The following ORC4 variants were observed in gnomAD, a reference collection of about 807,000 sequenced individuals.
ORC4 encodes the protein origin recognition complex, subunit 4 homolog.
In ORC4, 55 loss-of-function variants were observed where a neutral mutation model predicts 63.9. The ratio of observed to expected loss-of-function variants is 0.86; its 90% CI spans 0.69 to 1.08. The LOEUF is 1.08. Ranked by LOEUF, ORC4 falls within the 50% of genes least tolerant of loss-of-function variation. ORC4 has a pLI of 0.00. For synonymous variants in ORC4, 150 were observed against 168.5 expected (o/e 0.89, Z 0.85); for missense variants, 511 against 504.4 (o/e 1.01, Z -0.13).
At chr2:147,966,967 C>G (rs17225437) in intron 4 of ORC4, among the ~76,000 whole-genome samples, 35 of 151,906 alleles carry the variant, frequency 2.3e-4, no homozygotes, top group Non-Finnish European at 4.3e-4. Context: ...TATTAGTAAG[C>G]TGAATGCAAA....
chr2:147,971,784 TA>T (rs1453143609), intron 4 of ORC4, among the ~76,000 whole-genome samples: 1 of 151,898 alleles, frequency 6.6e-6, no homozygotes, highest in Non-Finnish European at 1.5e-5. Flanking sequence ...GATTTGAAAC[TA>T]AAAAATTACT....
intron 1 of ORC4, among the ~76,000 whole-genome samples, chr2:148,005,599 G>T (rs1054430151): frequency 5.5e-5 from 7 of 128,436 alleles, no homozygotes; most frequent in Non-Finnish European, 9.3e-5. Flanking sequence ...GATTGCTGAA[G>T]AGAATCCCCC....
chr2:148,013,453 A>G (rs1464408524), intron 1 of ORC4, among the ~76,000 whole-genome samples: 1 of 152,162 alleles, frequency 6.6e-6, no homozygotes, highest in Non-Finnish European at 1.5e-5. Context: ...TCAAGAGGAG[A>G]TGGTTAATGG....
At chr2:147,996,441 A>C (rs1344629932) in intron 1 of ORC4, among the ~76,000 whole-genome samples, 1 of 152,242 alleles carries the variant, frequency 6.6e-6, no homozygotes, top group Non-Finnish European at 1.5e-5. Flanking sequence ...ATTGATTTAG[A>C]CTTCATTAAA....
At chr2:147,951,898 T>A (rs1573772424) in intron 8 of ORC4, among the ~76,000 whole-genome samples, 2 of 152,288 alleles carry the variant, frequency 1.3e-5, no homozygotes, top group East Asian at 3.9e-4. Context: ...TTCTAAAATA[T>A]CCCATGGAAT....
intron 1 of ORC4, among the ~76,000 whole-genome samples, chr2:147,985,492 A>C (rs2105381025): frequency 6.6e-6 from 1 of 152,278 alleles, no homozygotes; most frequent in Admixed American, 6.5e-5. Flanking sequence ...CACCGTGCCC[A>C]GCCTTAGTAA....
intron 1 of ORC4, among the ~76,000 whole-genome samples, chr2:148,006,365 C>T (rs1475315853): frequency 1.3e-5 from 2 of 152,064 alleles, no homozygotes; most frequent in East Asian, 1.9e-4. Flanking sequence ...GTCTAGGGCC[C>T]GGAATAAATT....
chr2:147,935,812 A>G (rs1688020000), intron 13 of ORC4, 114 bp from the exon 14 acceptor site: 2 of 791,152 alleles, frequency 2.5e-6, no homozygotes, highest in East Asian at 2.5e-5. Context: ...AGTACTGGGA[A>G]GCAAAATGTA....
At chr2:147,974,405 G>C (rs1053566930) in intron 2 of ORC4, among the ~76,000 whole-genome samples, 1 of 152,054 alleles carries the variant, frequency 6.6e-6, no homozygotes, top group African/African-American at 2.4e-5. Context: ...AGGTCGAGAT[G>C]GGCAGATCGC....
intron 1 of ORC4, among the ~76,000 whole-genome samples, chr2:147,988,662 G>A (rs1691377103): frequency 6.6e-6 from 1 of 151,964 alleles, no homozygotes; most frequent in Non-Finnish European, 1.5e-5. Flanking sequence ...CTCACTTGCT[G>A]AATTTAAAGA....
intron 1 of ORC4, among the ~76,000 whole-genome samples, chr2:147,993,096 G>GTA (rs1239306265): frequency 2.0e-5 from 3 of 152,134 alleles, no homozygotes; most frequent in African/African-American, 7.2e-5. Context: ...TCCCCACTCA[G>GTA]TATATGGCTG....
rs751785133 is a variant in ORC4, at chr2:147,983,466, C to T, written c.-17-7491G>A. Among the ~76,000 whole-genome samples the T allele has an allele frequency of 2.6e-5, 4 of 152,224 alleles. No homozygotes were observed. The East Asian group carries it at 5.8e-4, about 22-fold the overall frequency. On this transcript the variant is annotated intron_variant, in intron 1 of 13. Coordinates refer to ENST00000392857, the MANE Select transcript of ORC4 (RefSeq NM_181741.4). Reference sequence around the variant, plus strand: ...ACCCAGAATCCCATGAGTTCAACACCGAAGGCTTTTGTCCAAGTGGTCCAC... The same window carrying T: ...ACCCAGAATCCCATGAGTTCAACACTGAAGGCTTTTGTCCAAGTGGTCCAC...
rs2307394 is a variant in ORC4, at chr2:147,958,859, T to G, written c.233A>C (p.Asn78Thr). 7.9e-7 allele frequency: 1 copy of G among 1,259,374 alleles called. No homozygotes were observed. Among genetic ancestry groups the G allele is most frequent in the Admixed American group, 1.7e-5 (1 of 58,888 alleles). The allele number at this position is 1,259,374 out of a possible 1,614,324, so 78.0% of individuals were successfully genotyped here. Residue 78 changes from asparagine to threonine, a missense_variant, in exon 5 of 14, where the codon AAT becomes ACT. By Grantham distance (65) the Asn-to-Thr change is moderately conservative. Transcript: ENST00000392857. ...PRGSGKTMLI[N>T]HALKELMEIE... ...TTCCATGAGTTCTTTCAAAGCATGA[T>G]TTATTAACTAAATATGAAAAGTTTA...
intron 1 of ORC4, among the ~76,000 whole-genome samples, chr2:147,994,396 T>C (rs911481854): frequency 6.6e-6 from 1 of 152,174 alleles, no homozygotes; most frequent in Non-Finnish European, 1.5e-5. Context: ...ACCAACACGA[T>C]ACCGAAGGAG....
At chr2:148,002,292 CA>C (rs1034841047) in intron 1 of ORC4, among the ~76,000 whole-genome samples, 2 of 152,140 alleles carry the variant, frequency 1.3e-5, no homozygotes, top group African/African-American at 4.8e-5. Context: ...CTCTCCACCC[CA>C]AATCAACAGA....
intron 1 of ORC4, among the ~76,000 whole-genome samples, chr2:147,997,444 A>T (rs968847003): frequency 1.3e-5 from 2 of 152,132 alleles, no homozygotes; most frequent in African/African-American, 4.8e-5. Flanking sequence ...AAGTAAGAAA[A>T]TTTTTTATAT....
intron 1 of ORC4, among the ~76,000 whole-genome samples, chr2:148,010,569 T>C (rs941225394): frequency 1.3e-5 from 2 of 152,020 alleles, no homozygotes. Context: ...AACAACTGCA[T>C]GCCAATAAAT....
intron 1 of ORC4, among the ~76,000 whole-genome samples, chr2:147,987,434 A>AT (rs1691288083): frequency 6.7e-6 from 1 of 149,982 alleles, no homozygotes; most frequent in East Asian, 2.0e-4. Context: ...ATTTTAAATT[A>AT]TTTTTTCTAC....
chr2:147,946,340 A>C (rs1180525078), intron 9 of ORC4, among the ~76,000 whole-genome samples: 1 of 152,072 alleles, frequency 6.6e-6, no homozygotes, highest in Non-Finnish European at 1.5e-5. Context: ...AATACTATGA[A>C]AGACTACATT....
Sources: gnomAD v4.1 joint callset for allele counts (sites outside exome capture counted in the v4.1 genomes callset) on GRCh38, gnomAD v4.1.1 for gene constraint, MANE v1.5 for transcripts, NCBI Gene and HGNC (gene_info 2026-07-23, HGNC 2026-07-21) for gene names.